The following OSBPL3 variants were observed in gnomAD, a reference collection of about 807,000 sequenced individuals.
OSBPL3 encodes the protein oxysterol-binding protein-related protein 3.
Under a neutral mutation model 120.1 loss-of-function variants are expected in OSBPL3, and 65 were observed. The ratio of observed to expected loss-of-function variants is 0.54; its 90% CI spans 0.44 to 0.67. The LOEUF (loss-of-function observed/expected upper bound fraction) is 0.67, where lower values mean the gene tolerates loss of function less well. Ranked by LOEUF, OSBPL3 falls within the 30% of genes least tolerant of loss-of-function variation. The pLI is 0.00. For synonymous variants in OSBPL3, 416 were observed against 402.6 expected (o/e 1.03, Z -0.40); for missense variants, 1,004 against 1,082.1 (o/e 0.93, Z 1.01).
At chr7:24,956,850 G>A (rs1176293480) in intron 1 of OSBPL3, among the ~76,000 whole-genome samples, 1 of 152,066 alleles carries the variant, frequency 6.6e-6, no homozygotes, top group Admixed American at 6.5e-5. Flanking sequence ...TTCTCATGGA[G>A]TTCTTTTAGT....
chr7:24,890,670 C>T (rs1165917650), intron 2 of OSBPL3, among the ~76,000 whole-genome samples: 2 of 152,136 alleles, frequency 1.3e-5, no homozygotes, highest in Non-Finnish European at 2.9e-5. Context: ...CCTTCTCTGC[C>T]ACAGAGGAAA....
chr7:24,897,432 T>C (rs1365536088), intron 1 of OSBPL3, among the ~76,000 whole-genome samples: 1 of 149,874 alleles, frequency 6.7e-6, no homozygotes, highest in Non-Finnish European at 1.5e-5. Flanking sequence ...TTCACGCCAT[T>C]CTCCTGCCTC....
intron 1 of OSBPL3, among the ~76,000 whole-genome samples, chr7:24,905,893 G>A (rs1434288928): frequency 2.5e-4 from 38 of 152,136 alleles, no homozygotes; most frequent in Admixed American, 2.0e-3. Context: ...TTAGCCAAGT[G>A]TGGTGGCGGG....
rs1803379480 is a variant in OSBPL3 at position 24,879,718 on chromosome 7, T to C, written c.97-7649A>G. Among the ~76,000 whole-genome samples, 1 of 152,124 alleles carries C rather than the reference T, an allele frequency of 6.6e-6. No individual in the cohort carries two copies. Among genetic ancestry groups the C allele is most frequent in the African/African-American group, 2.4e-5 (1 of 41,434 alleles). On this transcript the variant is annotated intron_variant, in intron 2 of 22. Coordinates refer to ENST00000313367, the MANE Select transcript of OSBPL3 (RefSeq NM_015550.4). This position sits in a 1 kb window ranked among gnomAD's most constrained non-coding sequence, Gnocchi z 5.6. ...CCTGAGGTCATTCCCATCCTGAGTT[T>C]CCAAAGAGAAAAACGCTTTCCAACT... is the stretch of plus-strand genomic sequence containing the variant.
At chr7:24,807,232 C>A (rs750821062) in intron 20 of OSBPL3, among the ~76,000 whole-genome samples, 2 of 152,154 alleles carry the variant, frequency 1.3e-5, no homozygotes, top group Non-Finnish European at 2.9e-5. Context: ...GTGGCTCATG[C>A]CTGTAATCCC....
chr7:24,847,893 T>C (rs1468198552), intron 12 of OSBPL3, among the ~76,000 whole-genome samples: 1 of 152,164 alleles, frequency 6.6e-6, no homozygotes, highest in African/African-American at 2.4e-5. Context: ...ATGCTGCAGG[T>C]GACAGTTTAG....
At position 24,873,739 on chromosome 7, in the gene OSBPL3, A is replaced by G. The variant is rs557592100; in HGVS notation, c.97-1670T>C. On this transcript the variant is annotated intron_variant, in intron 2 of 22. Transcript: ENST00000313367. This position sits in a 1 kb window ranked among gnomAD's most constrained non-coding sequence, Gnocchi z 4.1. ...GTCAGATTTCCTATTACTTAAAAAC[A>G]CCAAAAAAAAAAACTTACTTGAATT... Among the ~76,000 whole-genome samples the G allele has an allele frequency of 6.5e-5, 6 of 92,634 alleles. No homozygotes were observed. Among genetic ancestry groups the G allele is most frequent in the African/African-American group, 3.0e-4 (6 of 19,754 alleles). 60.8% of individuals were successfully genotyped at this position (92,634 alleles called of 152,430 possible).
rs1278895996 is a variant in OSBPL3, at chr7:24,930,461, A to G, written c.-149-37840T>C. Among the ~76,000 whole-genome samples the G allele has an allele frequency of 6.6e-6, 1 of 152,122 alleles. No individual in the cohort carries two copies. Among genetic ancestry groups the G allele is most frequent in the Non-Finnish European group, 1.5e-5 (1 of 67,998 alleles). ...AAATATGCCAAGAAAAAAAAAGTAA[A>G]CTTTTTATTGCTGACAGCAAAAAAG... On this transcript the variant is annotated intron_variant, in intron 1 of 22. Coordinates refer to ENST00000313367, the MANE Select transcript of OSBPL3 (RefSeq NM_015550.4). The surrounding 1 kb of genome is among the most constrained non-coding windows in gnomAD (Gnocchi z 4.4).
At chr7:24,843,016 C>T (rs557836170) in intron 12 of OSBPL3, among the ~76,000 whole-genome samples, 1 of 152,274 alleles carries the variant, frequency 6.6e-6, no homozygotes, top group South Asian at 2.1e-4. Flanking sequence ...AAGGAAGTCC[C>T]CAGTCCTCTT....
Position 24,967,254 on chromosome 7 carries a change from G to A in OSBPL3, c.-150+12632C>T, listed in dbSNP as rs187860005. On this transcript the variant is annotated intron_variant, in intron 1 of 22. Transcript: ENST00000313367. The surrounding 1 kb of genome is among the most constrained non-coding windows in gnomAD (Gnocchi z 5.6). The stretch of plus-strand genomic sequence containing the variant: ...ATTCCCTTGCTCAAAACATTCTGTG[G>A]CTCTCCAATGGCCAGAGGATGAAGT... Among the ~76,000 whole-genome samples the A allele has an allele frequency of 3.5e-4, 54 of 152,240 alleles. No homozygotes were observed. The highest frequency in any genetic ancestry group is 1.3e-3 in the African/African-American group (54 of 41,544).
chr7:24,956,920 A>G lies in OSBPL3; in HGVS notation c.-150+22966T>C, dbSNP rs554833700. On this transcript the variant is annotated intron_variant, in intron 1 of 22. Transcript: ENST00000313367. ...GTTCTACTGAATTTCTAGTTTTTTT[A>G]TTCATTGTCTGTTCCATCAATTAAA... 4.7e-4 allele frequency among the ~76,000 whole-genome samples: 71 copies of G among 152,100 alleles called. 4 individuals carry two copies. The South Asian group carries it at 7.3e-3, about 16-fold the overall frequency.
chr7:24,935,190 C>T (rs1812261237), intron 1 of OSBPL3, among the ~76,000 whole-genome samples: 1 of 152,022 alleles, frequency 6.6e-6, no homozygotes, highest in African/African-American at 2.4e-5. Context: ...AATATATATT[C>T]ACAAGAAGTT....
chr7:24,933,852 T>C lies in OSBPL3; in HGVS notation c.-149-41231A>G, dbSNP rs956349774. Among the ~76,000 whole-genome samples the C allele has an allele frequency of 4.6e-5, 7 of 152,200 alleles. No individual in the cohort carries two copies. The East Asian group carries it at 1.3e-3, about 29-fold the overall frequency. ...TCAGTCAAATATACAGCGAAACATA[T>C]ATACACAAGAGCTATGCCACTTAGC... is the stretch of plus-strand genomic sequence containing the variant. On this transcript the variant is annotated intron_variant, in intron 1 of 22. Transcript: ENST00000313367. This position sits in a 1 kb window ranked among gnomAD's most constrained non-coding sequence, Gnocchi z 5.1.
chr7:24,863,710 T>TC lies in OSBPL3; in HGVS notation c.674-112dup. The TC allele has an allele frequency of 1.4e-6, 1 of 712,752 alleles. No individual in the cohort carries two copies. The highest frequency in any genetic ancestry group is 2.6e-5 in the Admixed American group (1 of 39,062). The allele number at this position is 712,752 out of a possible 1,614,324, so 44.2% of individuals were successfully genotyped here. A position where few individuals can be genotyped will look rare whatever the true frequency, so the allele number is the denominator to read the frequency against. On this transcript the variant is annotated intron_variant, in intron 7 of 22. Coordinates refer to ENST00000313367, the MANE Select transcript of OSBPL3 (RefSeq NM_015550.4). This position sits in a 1 kb window ranked among gnomAD's most constrained non-coding sequence, Gnocchi z 5.8. The stretch of plus-strand genomic sequence containing the variant: ...ATTTATCTGTAGTTGATTTTTTTTT[T>TC]CATCTGTAAGGGTTGGAAATTTTAC...
rs1803011167 is a variant in OSBPL3 at position 24,877,489 on chromosome 7, C to G, written c.97-5420G>C. ...CCAAACCTCCTCCCTGGATGACAGTCACCTTGCACTGTCAGCCTCCCTAGC... is the reference window on the plus strand; with the variant it reads ...CCAAACCTCCTCCCTGGATGACAGTGACCTTGCACTGTCAGCCTCCCTAGC... On this transcript the variant is annotated intron_variant, in intron 2 of 22. Transcript: ENST00000313367. This position sits in a 1 kb window ranked among gnomAD's most constrained non-coding sequence, Gnocchi z 4.8. 6.6e-6 allele frequency among the ~76,000 whole-genome samples: 1 copy of G among 152,182 alleles called. No homozygotes were observed. Among genetic ancestry groups the G allele is most frequent in the Non-Finnish European group, 1.5e-5 (1 of 68,030 alleles).
Position 24,938,843 on chromosome 7 carries a change from C to T in OSBPL3, c.-150+41043G>A, listed in dbSNP as rs1480031900. Among the ~76,000 whole-genome samples, 1 of 98,406 alleles carries T rather than the reference C, an allele frequency of 1.0e-5. No homozygotes were observed. The highest frequency in any genetic ancestry group is 3.9e-5 in the African/African-American group (1 of 25,838). 64.6% of individuals were successfully genotyped at this position (98,406 alleles called of 152,430 possible). ...TGTGTGTGTGTGTGTGTTTTGAGAG[C>T]AAAACTAATGTGGCCAAGAAAGAAA... On this transcript the variant is annotated intron_variant, in intron 1 of 22. Transcript: ENST00000313367. The surrounding 1 kb of genome is among the most constrained non-coding windows in gnomAD (Gnocchi z 5.8).
rs1795002040 is a variant in OSBPL3, at chr7:24,820,548, C to T, written c.1885-310G>A. Among the ~76,000 whole-genome samples the T allele has an allele frequency of 6.6e-6, 1 of 152,132 alleles. No individual in the cohort carries two copies. The highest frequency in any genetic ancestry group is 1.5e-5 in the Non-Finnish European group (1 of 68,016). ...ATTTTGAAAGACATAAAAATAAAAACGGAGACATGTGAGGACTGCTCATCC... is the reference window on the plus strand; with the variant it reads ...ATTTTGAAAGACATAAAAATAAAAATGGAGACATGTGAGGACTGCTCATCC... On this transcript the variant is annotated intron_variant, in intron 16 of 22. Transcript: ENST00000313367. The surrounding 1 kb of genome is among the most constrained non-coding windows in gnomAD (Gnocchi z 4.6).
intron 1 of OSBPL3, among the ~76,000 whole-genome samples, chr7:24,978,028 G>A (rs1327380391): frequency 3.3e-5 from 5 of 152,194 alleles, no homozygotes; most frequent in Admixed American, 3.3e-4. Flanking sequence ...AACTAATGGT[G>A]GAAACCACAT....
rs966019659 is a variant in OSBPL3 at position 24,796,546 on chromosome 7, T to C, written c.*3637A>G. ...AACAAAGACAAAAGTGGCCTTTTTTTCCATGTTATTTATTCACATTCAACT... is the reference window on the plus strand; with the variant it reads ...AACAAAGACAAAAGTGGCCTTTTTTCCCATGTTATTTATTCACATTCAACT... On this transcript the variant is annotated 3_prime_UTR_variant, in exon 23 of 23. Coordinates refer to ENST00000313367, the MANE Select transcript of OSBPL3 (RefSeq NM_015550.4). This position sits in a 1 kb window ranked among gnomAD's most constrained non-coding sequence, Gnocchi z 5.2. 6 of 152,188 alleles carry C rather than the reference T, an allele frequency of 3.9e-5. No homozygotes were observed. Among genetic ancestry groups the C allele is most frequent in the African/African-American group, 1.4e-4 (6 of 41,432 alleles). The allele number at this position is 152,188 out of a possible 1,614,324, so 9.4% of individuals were successfully genotyped here.
Sources: allele counts gnomAD v4.1 joint callset (sites outside exome capture counted in the v4.1 genomes callset), GRCh38; gene constraint gnomAD v4.1.1; non-coding constraint Gnocchi (gnomAD v3.1); transcripts MANE v1.5; gene names NCBI Gene and HGNC (gene_info 2026-07-23, HGNC 2026-07-21).